Variants in DNAH6 observed in about 807,000 individuals in gnomAD.
The protein encoded by DNAH6 is axonemal beta dynein heavy chain 6.
Under a neutral mutation model 491.4 loss-of-function variants are expected in DNAH6, and 340 were observed. The ratio of observed to expected loss-of-function variants is 0.69; its 90% CI spans 0.63 to 0.76. The LOEUF is 0.76. DNAH6 is among the 30% of genes least tolerant of loss of function. The pLI, the probability that DNAH6 is intolerant of heterozygous loss-of-function variation, is 0.00. For missense variants in DNAH6, 4,443 were observed against 4,972.2 expected (o/e 0.89, Z 3.20); for synonymous variants, 1,603 against 1,686.1 (o/e 0.95, Z 1.21).
intron 2 of DNAH6, 58 bp downstream of exon 2, chr2:84,518,109 C>T: frequency 7.4e-7 from 1 of 1,347,586 alleles, no homozygotes; most frequent in South Asian, 1.4e-5. Flanking sequence ...TGTAAAATTG[C>T]TTTGGAGGAT....
intron 34 of DNAH6, 51 bp from the exon 35 acceptor site, chr2:84,654,609 A>C: frequency 6.5e-7 from 1 of 1,545,030 alleles, no homozygotes; most frequent in Non-Finnish European, 8.8e-7. Context: ...AGTTGGAGAA[A>C]TAAGGAAGTA....
chr2:84,727,997 C>G, intron 61 of DNAH6, 95 bp downstream of exon 61: 5 of 790,334 alleles, frequency 6.3e-6, no homozygotes, highest in Non-Finnish European at 1.0e-5. Flanking sequence ...TTCCCATGTG[C>G]TGTAGGATGG....
intron 18 of DNAH6, among the ~76,000 whole-genome samples, chr2:84,599,874 T>G (rs1685051834): frequency 6.6e-6 from 1 of 152,238 alleles, no homozygotes; most frequent in Non-Finnish European, 1.5e-5. Context: ...TATTTTATAT[T>G]TAGCTTCTCA....
At chr2:84,506,233 T>C in the DNAH6 span, among the ~76,000 whole-genome samples, 1 of 152,212 alleles carries the variant, frequency 6.6e-6, no homozygotes, top group Non-Finnish European at 1.5e-5. Flanking sequence ...CACCTGTTGT[T>C]TCCTGACTTT....
chr2:84,810,217 C>A (rs1194593698), intron 72 of DNAH6, among the ~76,000 whole-genome samples: 1 of 152,126 alleles, frequency 6.6e-6, no homozygotes, highest in African/African-American at 2.4e-5. Context: ...TTTGTAATTT[C>A]CCCCCTATGA....
At chr2:84,724,631 T>C (rs1355265233) in intron 60 of DNAH6, among the ~76,000 whole-genome samples, 8 of 152,178 alleles carry the variant, frequency 5.3e-5, no homozygotes. Flanking sequence ...AGCCTGCTGC[T>C]GGGACTGCAA....
chr2:84,659,060 C>G lies in DNAH6; in HGVS notation c.5975C>G (p.Thr1992Ser), dbSNP rs1187293747. 1 of 1,478,382 alleles carries G rather than the reference C, an allele frequency of 6.8e-7. No homozygotes were observed. The highest frequency in any genetic ancestry group is 2.1e-5 in the Admixed American group (1 of 48,508). The allele number at this position is 1,478,382 out of a possible 1,614,324, so 91.6% of individuals were successfully genotyped here. The change falls in exon 37 of 77, where the codon ACT becomes AGT. Residue 1992 changes from threonine to serine, a missense_variant. By Grantham distance (58) the Thr-to-Ser change is moderately conservative. Transcript: ENST00000389394. ...QTKLNTILCQTFVFCYLWSLG... is the reference protein window; with the variant it reads ...QTKLNTILCQSFVFCYLWSLG... Reference sequence around the variant, plus strand: ...AAATTGAACACTATACTATGTCAGACTTTTGTATTCTGTTATTTGTGGTCT... The same window carrying G: ...AAATTGAACACTATACTATGTCAGAGTTTTGTATTCTGTTATTTGTGGTCT...
In DNAH6 at chr2:84,641,930, T is replaced by A. The variant is rs149186464; in HGVS notation, c.4971-17T>A. 78 of 1,536,682 alleles carry A rather than the reference T, an allele frequency of 5.1e-5. No homozygotes were observed. The African/African-American group carries it at 9.6e-4, about 19-fold the overall frequency. On this transcript the variant is annotated splice_polypyrimidine_tract_variant and intron_variant, in intron 32 of 76. Transcript: ENST00000389394. ...TATGTTCTTGTGATATTATCCGAAATATTCCTTTAAATTTAGATCTTTAAA... is the reference window on the plus strand; with the variant it reads ...TATGTTCTTGTGATATTATCCGAAAAATTCCTTTAAATTTAGATCTTTAAA...
chr2:84,640,073 G>A (rs561855241), intron 31 of DNAH6, among the ~76,000 whole-genome samples: 1 of 152,318 alleles, frequency 6.6e-6, no homozygotes, highest in Admixed American at 6.5e-5. Context: ...TGTCAGATCA[G>A]AGAAGCTCAG....
At chr2:84,588,188 A>G (rs1324133281) in intron 15 of DNAH6, among the ~76,000 whole-genome samples, 1 of 152,186 alleles carries the variant, frequency 6.6e-6, no homozygotes, top group Non-Finnish European at 1.5e-5. Flanking sequence ...TCTAATCTAG[A>G]GCATGTTGCA....
rs1461485369 is a variant in DNAH6, at chr2:84,544,317, T to G, written c.747T>G (p.Ile249Met). ...TAACACACATTTATAATGAAGACAT[T>G]GAATTTATCGAAATTGATCGATGGG... ...RAVTHIYNED[I>M]EFIEIDRWEQ... Residue 249 changes from isoleucine to methionine, a missense_variant, in exon 5 of 77, where the codon ATT (isoleucine) becomes ATG (methionine). By Grantham distance (10) the Ile-to-Met change is conservative. Around this residue, in one of 3 missense-constraint regions of DNAH6, gnomAD observed 2,977 missense variants for 3,296.6 expected, o/e 0.90. Transcript: ENST00000389394. 6.5e-7 allele frequency: 1 copy of G among 1,538,230 alleles called. No individual in the cohort carries two copies. Among genetic ancestry groups the G allele is most frequent in the Non-Finnish European group, 8.8e-7 (1 of 1,135,072 alleles).
At chr2:84,804,466 T>C (rs1679228129) in intron 70 of DNAH6, among the ~76,000 whole-genome samples, 1 of 152,114 alleles carries the variant, frequency 6.6e-6, no homozygotes, top group Non-Finnish European at 1.5e-5. Flanking sequence ...ACAGAAAGTG[T>C]CCAAGTTGAA....
intron 2 of DNAH6, among the ~76,000 whole-genome samples, chr2:84,519,212 G>T (rs1450216064): frequency 6.6e-6 from 1 of 151,718 alleles, no homozygotes; most frequent in Non-Finnish European, 1.5e-5. Flanking sequence ...AGCTCAGTGG[G>T]GACAGCTTGC....
chr2:84,818,484 CAAAAAAAAAAAAAAAAAAAA>C (rs59242387), intron 76 of DNAH6, among the ~76,000 whole-genome samples: 1 of 63,832 alleles, frequency 1.6e-5, no homozygotes, highest in East Asian at 7.2e-4. Flanking sequence ...GACCCTATCT[CAAAAAAAAAAAAAAAAAAAA>C]AAAAAAAAAG....
intron 23 of DNAH6, among the ~76,000 whole-genome samples, chr2:84,617,858 G>A (rs769658929): frequency 1.3e-5 from 2 of 151,978 alleles, no homozygotes; most frequent in African/African-American, 4.8e-5. Flanking sequence ...TGGGCATAGC[G>A]AGCACCTTTA....
upstream of DNAH6, among the ~76,000 whole-genome samples, chr2:84,515,142 T>G (rs1675506740): frequency 6.6e-6 from 1 of 152,232 alleles, no homozygotes; most frequent in Admixed American, 6.5e-5. Flanking sequence ...TTGAATTTCT[T>G]TTTCCATTAT....
intron 48 of DNAH6, among the ~76,000 whole-genome samples, chr2:84,700,579 A>G (rs1182100952): frequency 4.6e-5 from 7 of 152,244 alleles, no homozygotes; most frequent in African/African-American, 1.7e-4. Context: ...CTAATTATCA[A>G]AAATTTAAAG....
chr2:84,805,265 C>T (rs188020232), intron 70 of DNAH6, among the ~76,000 whole-genome samples: 22 of 152,142 alleles, frequency 1.4e-4, no homozygotes, highest in African/African-American at 4.8e-4. Context: ...TTCCTTAAGC[C>T]AGTCACAAAA....
At chr2:84,555,160 A>G (rs1017860794) in intron 10 of DNAH6, among the ~76,000 whole-genome samples, 7 of 152,242 alleles carry the variant, frequency 4.6e-5, no homozygotes, top group Non-Finnish European at 7.3e-5. Context: ...CCAAGCACAC[A>G]TACACATAGA....
Sources: gnomAD v4.1 joint callset for allele counts (sites outside exome capture counted in the v4.1 genomes callset) on GRCh38, gnomAD v4.1.1 for gene constraint, gnomAD v4.1.1 regional missense constraint, MANE v1.5 for transcripts, NCBI Gene and HGNC (gene_info 2026-07-23, HGNC 2026-07-21) for gene names.